The following RBFOX1 variants were observed in gnomAD, a reference collection of about 807,000 sequenced individuals.
RBFOX1 encodes RNA binding fox-1 homolog 1, also known as RNA binding protein fox-1 homolog 1.
In RBFOX1, 8 loss-of-function variants were observed where a neutral mutation model predicts 57.7. The ratio of observed to expected loss-of-function variants is 0.14; its 90% CI spans 0.08 to 0.25. The LOEUF (loss-of-function observed/expected upper bound fraction) is 0.25, where lower values mean the gene tolerates loss of function less well. Among genes scored for constraint, RBFOX1 ranks in the 10% least tolerant of loss-of-function variants. The probability of loss-of-function intolerance (pLI) is 1.00; values close to 1 mark genes in which losing one functional copy is unlikely to be tolerated. For missense variants in RBFOX1, 611 were observed against 548.5 expected (o/e 1.11, Z -1.14); for synonymous variants, 326 against 222.4 (o/e 1.47, Z -4.15).
chr16:7,625,564 G>C (rs1442213860), intron 10 of RBFOX1, among the ~76,000 whole-genome samples: 1 of 152,134 alleles, frequency 6.6e-6, no homozygotes, highest in African/African-American at 2.4e-5. Context: ...GTGTCTTCAA[G>C]AGCATCCTCC....
intron 4 of RBFOX1, among the ~76,000 whole-genome samples, chr16:7,155,877 T>C (rs1397949008): frequency 6.6e-6 from 1 of 151,496 alleles, no homozygotes; most frequent in Non-Finnish European, 1.5e-5. Flanking sequence ...GTCATAAAAT[T>C]GGATATAAAT....
At chr16:6,561,081 T>TC (rs369431279) in intron 2 of RBFOX1, among the ~76,000 whole-genome samples, 5 of 152,310 alleles carry the variant, frequency 3.3e-5, no homozygotes, top group African/African-American at 1.2e-4. Flanking sequence ...CAGCTGTTTT[T>TC]CATTAGTGCT....
intron 1 of RBFOX1, among the ~76,000 whole-genome samples, chr16:5,386,475 C>T (rs1343801590): frequency 2.0e-5 from 3 of 152,132 alleles, no homozygotes; most frequent in Non-Finnish European, 4.4e-5. Flanking sequence ...CTGTCAGCTT[C>T]ATATTCCCGA....
intron 4 of RBFOX1, among the ~76,000 whole-genome samples, chr16:5,911,096 A>G (rs2058592002): frequency 6.6e-6 from 1 of 152,180 alleles, no homozygotes; most frequent in Non-Finnish European, 1.5e-5. Context: ...GGGGAACAGA[A>G]ACTAAGGTAC....
At chr16:5,324,419 C>T (rs888845030) in intron 1 of RBFOX1, among the ~76,000 whole-genome samples, 16 of 152,188 alleles carry the variant, frequency 1.1e-4, no homozygotes, top group South Asian at 2.1e-4. Context: ...GCCAAGATCA[C>T]GACACTGCAC....
chr16:7,390,196 C>G (rs2097974355), intron 4 of RBFOX1, among the ~76,000 whole-genome samples: 1 of 152,124 alleles, frequency 6.6e-6, no homozygotes, highest in Non-Finnish European at 1.5e-5. Flanking sequence ...TCCCATTATT[C>G]TGTCATCTCG....
At chr16:7,442,300 C>T (rs976539963) in intron 4 of RBFOX1, among the ~76,000 whole-genome samples, 1 of 152,152 alleles carries the variant, frequency 6.6e-6, no homozygotes, top group Non-Finnish European at 1.5e-5. Context: ...CCTCCTCTGC[C>T]TTCTCCAGCA....
chr16:6,591,640 T>C (rs1383465254), intron 2 of RBFOX1, among the ~76,000 whole-genome samples: 3 of 152,152 alleles, frequency 2.0e-5, no homozygotes, highest in Admixed American at 2.0e-4. Context: ...TATATCTCTG[T>C]CTTAGTCTTA....
chr16:5,395,052 G>A (rs984473801), intron 1 of RBFOX1, among the ~76,000 whole-genome samples: 1 of 152,206 alleles, frequency 6.6e-6, no homozygotes, highest in Non-Finnish European at 1.5e-5. Context: ...ACACCCTTCA[G>A]AATCTCTTCC....
At chr16:6,874,868 C>G (rs755850878) in intron 3 of RBFOX1, among the ~76,000 whole-genome samples, 1 of 152,032 alleles carries the variant, frequency 6.6e-6, no homozygotes, top group East Asian at 1.9e-4. Context: ...AATGAACTTA[C>G]CCATGTAAGG....
intron 1 of RBFOX1, among the ~76,000 whole-genome samples, chr16:5,377,479 G>A (rs1294776811): frequency 2.7e-5 from 4 of 150,806 alleles, no homozygotes; most frequent in African/African-American, 9.9e-5. Context: ...TGAGCTTGGT[G>A]AGGAGGAGGA....
chr16:5,389,266 G>T lies in RBFOX1; in HGVS notation c.220-77950G>T, dbSNP rs141806557. ...TTCAAAGAATGAAGGACACAAAGAA[G>T]AAAGTGGAAATCCTCGTTCTCAGCT... On this transcript the variant is annotated intron_variant, in intron 1 of 2. Coordinates refer to the RBFOX1 transcript ENST00000585867. Among the ~76,000 whole-genome samples, 710 of 152,308 alleles carry T rather than the reference G, an allele frequency of 4.7e-3. 5 individuals are homozygous for T. The highest frequency in any genetic ancestry group is 7.9e-3 in the Non-Finnish European group (537 of 68,024).
In RBFOX1 at chr16:6,235,554, ATGTATGTGTG is replaced by A. The variant is rs1030549894; in HGVS notation, c.-126-81437_-126-81428del. Among the ~76,000 whole-genome samples, 29 of 78,296 alleles carry A rather than the reference ATGTATGTGTG, an allele frequency of 3.7e-4. No homozygotes were observed. The East Asian group carries it at 7.9e-3, about 21-fold the overall frequency. 51.4% of individuals were successfully genotyped at this position (78,296 alleles called of 152,430 possible). On this transcript the variant is annotated intron_variant, in intron 1 of 15. Transcript: ENST00000550418. ...GAAACTGTGGTGTGTGTGTGCGTGTATGTATGTGTGTGTGTGTGTGTGTGTGTGTGTGTGT... is the reference window on the plus strand; with the variant it reads ...GAAACTGTGGTGTGTGTGTGCGTGTATGTGTGTGTGTGTGTGTGTGTGTGT...
At position 6,804,114 on chromosome 16, in the gene RBFOX1, C is replaced by A. The variant is rs377483087; in HGVS notation, c.-16+149464C>A. 7.9e-5 allele frequency among the ~76,000 whole-genome samples: 12 copies of A among 152,038 alleles called. No individual in the cohort carries two copies. The East Asian group carries it at 1.6e-3, about 20-fold the overall frequency. ...CTCTGCCTCCTGGGTTCAAGTGATTCTCCTTGCCTCAGGCATCCAAGTAGC... is the reference window on the plus strand; with the variant it reads ...CTCTGCCTCCTGGGTTCAAGTGATTATCCTTGCCTCAGGCATCCAAGTAGC... On this transcript the variant is annotated intron_variant, in intron 3 of 15. Transcript: ENST00000550418.
chr16:5,934,053 G>T (rs1463249702), intron 4 of RBFOX1, among the ~76,000 whole-genome samples: 1 of 152,114 alleles, frequency 6.6e-6, no homozygotes, highest in African/African-American at 2.4e-5. Context: ...TGGGGTTTCT[G>T]CTCCTGCATT....
chr16:6,211,410 A>G (rs1421650773), intron 1 of RBFOX1, among the ~76,000 whole-genome samples: 1 of 151,780 alleles, frequency 6.6e-6, no homozygotes, highest in Non-Finnish European at 1.5e-5. Flanking sequence ...TTGTACATTT[A>G]GTAGAGACAG....
intron 5 of RBFOX1, among the ~76,000 whole-genome samples, chr16:7,563,918 C>T (rs2091062272): frequency 6.6e-6 from 1 of 152,130 alleles, no homozygotes; most frequent in African/African-American, 2.4e-5. Flanking sequence ...CCACCGGGGC[C>T]TGATGTATAG....
intron 5 of RBFOX1, among the ~76,000 whole-genome samples, chr16:7,571,418 A>G (rs3785247): frequency 0.25 from 37,730 of 152,024 alleles, 5,756 homozygotes; most frequent in Non-Finnish European, 0.33. Context: ...TCAAAATCCA[A>G]TTTCACCAGG....
chr16:6,829,048 C>G (rs1322519736), intron 3 of RBFOX1, among the ~76,000 whole-genome samples: 6 of 152,092 alleles, frequency 3.9e-5, no homozygotes, highest in Admixed American at 3.9e-4. Context: ...GTGTCAAGAG[C>G]CTGGACACCT....
Sources: gnomAD v4.1 joint callset for allele counts (sites outside exome capture counted in the v4.1 genomes callset) on GRCh38, gnomAD v4.1.1 for gene constraint, MANE v1.5 for transcripts, NCBI Gene and HGNC (gene_info 2026-07-23, HGNC 2026-07-21) for gene names.